WRAP53: variants seen among roughly 807,000 people sequenced by gnomAD.
The protein encoded by WRAP53 is WD repeat containing antisense to TP53.
In WRAP53, 28 loss-of-function variants were observed where a neutral mutation model predicts 56.6. That is an observed-to-expected ratio of 0.50 (90% CI 0.37 to 0.68). WRAP53 has a LOEUF of 0.68. Ranked by LOEUF, WRAP53 falls within the 30% of genes least tolerant of loss-of-function variation. WRAP53 has a pLI of 0.00. For missense variants in WRAP53, 671 were observed against 715.5 expected, an observed-to-expected ratio of 0.94 and a Z score of 0.71; for synonymous variants, 283 against 283.4, an observed-to-expected ratio of 1.00 and a Z score of 0.01.
At chr17:7,698,804 A>C (rs957110684) in intron 4 of WRAP53, among the ~76,000 whole-genome samples, 4 of 152,048 alleles carry the variant, frequency 2.6e-5, no homozygotes, top group African/African-American at 7.2e-5. Context: ...TGAGTCTGGG[A>C]GGCAGAGGTT....
chr17:7,700,557 A>G (rs1308626836), intron 4 of WRAP53, among the ~76,000 whole-genome samples, 184 bp from the exon 5 acceptor site: 1 of 152,030 alleles, frequency 6.6e-6, no homozygotes, highest in Non-Finnish European at 1.5e-5. Context: ...TAAAAAAAAA[A>G]AAGTATGAAT....
Position 7,702,791 on chromosome 17 carries a change from T to C in WRAP53, c.1213T>C (p.Trp405Arg). 1 of 1,613,970 alleles carries C rather than the reference T, an allele frequency of 6.2e-7. No homozygotes were observed. The highest frequency in any genetic ancestry group is 8.5e-7 in the Non-Finnish European group (1 of 1,179,998). Residue 405 changes from tryptophan to arginine, a missense_variant, in exon 9 of 11, where the codon TGG becomes CGG. Around this residue, in one of 3 missense-constraint regions of WRAP53, gnomAD observed 158 missense variants for 215.7 expected, o/e 0.73. Coordinates refer to ENST00000396463, the MANE Select transcript of WRAP53 (RefSeq NM_001143992.2). The surrounding 1 kb of genome is among the most constrained non-coding windows in gnomAD (Gnocchi z 5.0). ...TCTCCGGCAGTCTGGTTACCCACTG[T>C]GGTCCCTGGGTCGAGAGGTGACCAC... ...WDLRQSGYPL[W>R]SLGREVTTNQ...
rs1312024505 is a variant in WRAP53 at position 7,694,208 on chromosome 17, A to G, written c.642+4507A>G. Among the ~76,000 whole-genome samples the G allele has an allele frequency of 2.0e-5, 3 of 151,574 alleles. No individual in the cohort carries two copies. The East Asian group carries it at 5.8e-4, about 29-fold the overall frequency. On this transcript the variant is annotated intron_variant, in intron 4 of 10. Coordinates refer to ENST00000396463, the MANE Select transcript of WRAP53 (RefSeq NM_001143992.2). ...AACATTTTAAAAAATATATCTTGCA[A>G]TACAGATAGTCAATTTGTTTTCTTT...
In WRAP53 at chr17:7,689,323, G is replaced by T; in HGVS notation, c.530+1G>T. 1 of 1,613,960 alleles carries T rather than the reference G, an allele frequency of 6.2e-7. No homozygotes were observed. Among genetic ancestry groups the T allele is most frequent in the South Asian group, 1.1e-5 (1 of 91,078 alleles). ...AGAACTTCTTGAAAGGCTGTAAGTG[G>T]TAAGGATAACAACGGGGCAGGGAGC... On this transcript the variant is annotated splice_donor_variant, in intron 3 of 10. Coordinates refer to ENST00000396463, the MANE Select transcript of WRAP53 (RefSeq NM_001143992.2). LOFTEE classifies it high-confidence loss of function.
rs35283667 is a variant in WRAP53 at position 7,694,855 on chromosome 17, C to CTT, written c.642+5169_642+5170dup. Among the ~76,000 whole-genome samples the CTT allele has an allele frequency of 1.5e-3, 200 of 136,866 alleles. 1 individual carries two copies. The highest frequency in any genetic ancestry group is 4.5e-3 in the African/African-American group (169 of 37,370). 89.8% of individuals were successfully genotyped at this position (136,866 alleles called of 152,430 possible). A position where few individuals can be genotyped will look rare whatever the true frequency, so the allele number is the denominator to read the frequency against. On this transcript the variant is annotated intron_variant, in intron 4 of 10. Transcript: ENST00000396463. ...AACAAACAACCAAAACCTTTTTGTG[C>CTT]TTTTTTTTTTTTTTTTCCTGCTAGT... is the stretch of plus-strand genomic sequence containing the variant.
At chr17:7,697,559 T>G (rs2074203298) in intron 4 of WRAP53, among the ~76,000 whole-genome samples, 1 of 151,624 alleles carries the variant, frequency 6.6e-6, no homozygotes, top group Non-Finnish European at 1.5e-5. Flanking sequence ...CTTGGGAGGC[T>G]GAGGCATGAG....
At chr17:7,687,381 T>C (rs2074024631), upstream of WRAP53, 1 of 398,060 alleles carries the variant, frequency 2.5e-6, no homozygotes, top group Admixed American at 4.4e-5. Context: ...GCTTACCCAA[T>C]CCAGGGAAGC....
rs771854905 is a variant in WRAP53, at chr17:7,689,120, G to A, written c.431+41G>A. The A allele has an allele frequency of 1.6e-5, 26 of 1,613,920 alleles. No individual in the cohort carries two copies. In the South Asian group the frequency reaches 1.9e-4, roughly 12 times the overall value. On this transcript the variant is annotated intron_variant, in intron 2 of 10. Transcript: ENST00000396463. Reference sequence around the variant, plus strand: ...AGTGGAGTGTGGAGTCTGGGGAGATGAAGTGTGAGGTCGATCTGTCCTCTG... The same window carrying A: ...AGTGGAGTGTGGAGTCTGGGGAGATAAAGTGTGAGGTCGATCTGTCCTCTG...
rs1192844944 is a variant in WRAP53, at chr17:7,702,523, G to A, written c.1135G>A (p.Gly379Ser). ...CACCCACCTCTGCTTTCATCCCGAT[G>A]GCAACCGCTTCTTCTCAGGAGCCCG... is the stretch of plus-strand genomic sequence containing the variant. ...GITHLCFHPD[G>S]NRFFSGARKD... Residue 379 changes from glycine (G) to serine (S), a missense_variant, in exon 8 of 11, where the codon GGC becomes AGC. Coordinates refer to ENST00000396463, the MANE Select transcript of WRAP53 (RefSeq NM_001143992.2). The surrounding 1 kb of genome is among the most constrained non-coding windows in gnomAD (Gnocchi z 5.0). The A allele has an allele frequency of 2.9e-5, 47 of 1,612,184 alleles. No homozygotes were observed. Among genetic ancestry groups the A allele is most frequent in the Non-Finnish European group, 4.0e-5 (47 of 1,179,950 alleles).
chr17:7,701,626 AG>A lies in WRAP53; in HGVS notation c.823-30del. On this transcript the variant is annotated intron_variant, in intron 6 of 10. Coordinates refer to ENST00000396463, the MANE Select transcript of WRAP53 (RefSeq NM_001143992.2). The surrounding 1 kb of genome is among the most constrained non-coding windows in gnomAD (Gnocchi z 4.2). The stretch of plus-strand genomic sequence containing the variant: ...CCTTGAGGGCAGCTGAGGCTTTGCA[AG>A]ACCTGTTTTCAGCCCTTTCCTTCCC... 3.1e-6 allele frequency: 5 copies of A among 1,614,224 alleles called. No individual in the cohort carries two copies. Among genetic ancestry groups the A allele is most frequent in the Non-Finnish European group, 4.2e-6 (5 of 1,180,040 alleles).
intron 4 of WRAP53, among the ~76,000 whole-genome samples, chr17:7,694,589 T>G (rs1236269771): frequency 6.6e-6 from 1 of 152,082 alleles, no homozygotes; most frequent in African/African-American, 2.4e-5. Flanking sequence ...TGGTGGCTCA[T>G]GCCTATAATC....
chr17:7,700,948 A>T, intron 5 of WRAP53, 119 bp downstream of exon 5: 1 of 756,670 alleles, frequency 1.3e-6, no homozygotes, highest in Non-Finnish European at 2.4e-6. Flanking sequence ...TGCTTATCAG[A>T]GGGGCTGGTC....
chr17:7,699,476 T>TATATATATATATATATATATATATATTTA (rs2074234978), intron 4 of WRAP53, among the ~76,000 whole-genome samples: 1 of 11,400 alleles, frequency 8.8e-5, no homozygotes, highest in Non-Finnish European at 1.3e-4. Flanking sequence ...ATATATATAT[T>TATATATATATATATATATATATATATTTA]TATATATATA....
Position 7,702,825 on chromosome 17 carries a change from G to C in WRAP53, c.1247G>C (p.Arg416Pro). 6.2e-7 allele frequency: 1 copy of C among 1,613,904 alleles called. No individual in the cohort carries two copies. The highest frequency in any genetic ancestry group is 2.2e-5 in the East Asian group (1 of 44,882). ...GGTCGAGAGGTGACCACCAATCAGC[G>C]CATCTACTTCGATCTGGACCCGTGA... ...SLGREVTTNQ[R>P]IYFDLDPTGQ... The change falls in exon 9 of 11, where the codon CGC becomes CCC. Residue 416 changes from arginine to proline, a missense_variant. Around this residue, in one of 3 missense-constraint regions of WRAP53, gnomAD observed 158 missense variants for 215.7 expected, o/e 0.73. Transcript: ENST00000396463. This position sits in a 1 kb window ranked among gnomAD's most constrained non-coding sequence, Gnocchi z 5.0.
chr17:7,702,710 G>C lies in WRAP53; in HGVS notation c.1165-33G>C. 6.2e-7 allele frequency: 1 copy of C among 1,610,494 alleles called. No homozygotes were observed. The highest frequency in any genetic ancestry group is 1.1e-5 in the South Asian group (1 of 91,060). ...GGAGGCAGGGACATCCAGGGCTTTG[G>C]GGGTGACTCCAGGTCCTGTTCCTTG... is the stretch of plus-strand genomic sequence containing the variant. On this transcript the variant is annotated intron_variant, in intron 8 of 10. Transcript: ENST00000396463. This position sits in a 1 kb window ranked among gnomAD's most constrained non-coding sequence, Gnocchi z 5.0.
chr17:7,692,208 G>A (rs1260217366), intron 4 of WRAP53, among the ~76,000 whole-genome samples: 2 of 151,932 alleles, frequency 1.3e-5, no homozygotes, highest in Admixed American at 6.6e-5. Context: ...GGCCAGGCAC[G>A]GTGGCTCACG....
At chr17:7,688,252 C>A (rs572121442), upstream of WRAP53, 1 of 211,170 alleles carries the variant, frequency 4.7e-6, no homozygotes, top group African/African-American at 2.3e-5. Context: ...GGAGCGTAGG[C>A]GCTTCTCGCC....
chr17:7,690,192 G>A (rs968772681), intron 4 of WRAP53, among the ~76,000 whole-genome samples: 30 of 152,298 alleles, frequency 2.0e-4, no homozygotes, highest in African/African-American at 6.5e-4. Flanking sequence ...CAGAGGATCC[G>A]CCCACCTTGG....
At chr17:7,699,314 G>A (rs1354006919) in intron 4 of WRAP53, among the ~76,000 whole-genome samples, 2 of 149,566 alleles carry the variant, frequency 1.3e-5, no homozygotes, top group African/African-American at 2.5e-5. Context: ...CCAGCTACTC[G>A]GGAGGCTGAG....
Sources: allele counts gnomAD v4.1 joint callset (sites outside exome capture counted in the v4.1 genomes callset), GRCh38; gene constraint gnomAD v4.1.1; regional missense constraint gnomAD v4.1.1; non-coding constraint Gnocchi (gnomAD v3.1); transcripts MANE v1.5; gene names NCBI Gene and HGNC (gene_info 2026-07-23, HGNC 2026-07-21).